Variants in EYS observed in about 807,000 individuals in gnomAD.
EYS encodes EGF-like photoreceptor maintenance factor.
In EYS, 250 loss-of-function variants were observed where a neutral mutation model predicts 282.1. The observed-to-expected ratio is 0.89, with a 90% confidence interval of 0.80 to 0.98. EYS has a LOEUF of 0.98. EYS is among the 50% of genes least tolerant of loss of function. The pLI is 0.00. For missense variants in EYS, 4,016 were observed against 3,709.0 expected, an observed-to-expected ratio of 1.08 and a Z score of -2.15; for synonymous variants, 1,355 against 1,282.9, an observed-to-expected ratio of 1.06 and a Z score of -1.20.
At chr6:64,873,033 G>A (rs1169570878) in intron 19 of EYS, among the ~76,000 whole-genome samples, 2 of 152,048 alleles carry the variant, frequency 1.3e-5, no homozygotes, top group Non-Finnish European at 2.9e-5. Flanking sequence ...AAATAACAAG[G>A]AACTAAAATA....
At chr6:65,431,655 T>C (rs1328000744) in intron 5 of EYS, among the ~76,000 whole-genome samples, 1 of 152,106 alleles carries the variant, frequency 6.6e-6, no homozygotes, top group African/African-American at 2.4e-5. Flanking sequence ...ATTGCTCAAA[T>C]TATATTCATG....
chr6:65,409,091 C>T (rs953295918), intron 5 of EYS, among the ~76,000 whole-genome samples: 2 of 151,914 alleles, frequency 1.3e-5, no homozygotes, highest in Non-Finnish European at 2.9e-5. Context: ...ATTTGTATTC[C>T]TTTAGATTTA....
chr6:65,370,726 A>C lies in EYS; in HGVS notation c.1299+13660T>G, dbSNP rs188026808. ...TCAATTTAGCTCTGACTATCTCATT[A>C]CTAAGAAAGAGTTCTCCTGCTCAGT... On this transcript the variant is annotated intron_variant, in intron 8 of 42. Coordinates refer to ENST00000503581, the MANE Select transcript of EYS (RefSeq NM_001142800.2). Among the ~76,000 whole-genome samples the C allele has an allele frequency of 8.2e-4, 124 of 151,944 alleles. 3 individuals carry two copies. The highest frequency in any genetic ancestry group is 1.3e-3 in the Admixed American group (19 of 15,022).
At chr6:64,043,775 A>G (rs1205236413) in intron 33 of EYS, among the ~76,000 whole-genome samples, 4 of 152,220 alleles carry the variant, frequency 2.6e-5, no homozygotes, top group African/African-American at 4.8e-5. Context: ...GTCAAATCTA[A>G]GAGGCTTTGT....
chr6:64,334,765 C>G (rs1049871649), intron 29 of EYS, among the ~76,000 whole-genome samples: 3 of 152,092 alleles, frequency 2.0e-5, no homozygotes, highest in Admixed American at 6.6e-5. Context: ...TTGCTGCTTA[C>G]AAATTGATGA....
intron 16 of EYS, among the ~76,000 whole-genome samples, chr6:64,910,982 T>G (rs1396216971): frequency 6.6e-6 from 1 of 151,986 alleles, no homozygotes; most frequent in Non-Finnish European, 1.5e-5. Context: ...TTCTGAGATT[T>G]TTTTTCTATT....
intron 22 of EYS, among the ~76,000 whole-genome samples, chr6:64,629,230 T>C (rs1008632141): frequency 6.6e-6 from 1 of 152,204 alleles, no homozygotes; most frequent in Non-Finnish European, 1.5e-5. Context: ...ACTGGTGTTA[T>C]ATGTTTCTGA....
chr6:64,303,820 G>T (rs1313178134), intron 30 of EYS, among the ~76,000 whole-genome samples: 1 of 129,616 alleles, frequency 7.7e-6, no homozygotes, highest in East Asian at 2.2e-4. Context: ...CAGCCTGGGC[G>T]ACAGAGCGAA....
At chr6:63,844,747 T>C (rs1445743772) in intron 36 of EYS, among the ~76,000 whole-genome samples, 3 of 152,180 alleles carry the variant, frequency 2.0e-5, no homozygotes, top group African/African-American at 7.2e-5. Flanking sequence ...TCCTTATAGA[T>C]TCTGGATAAT....
chr6:65,094,269 G>A (rs79622242), intron 12 of EYS, among the ~76,000 whole-genome samples: 3,783 of 137,920 alleles, frequency 0.027, 177 homozygotes, highest in African/African-American at 0.097. Context: ...AAAAATCACA[G>A]CAGGAGATTT....
At chr6:64,615,889 A>C (rs1308170500) in intron 24 of EYS, among the ~76,000 whole-genome samples, 1 of 152,064 alleles carries the variant, frequency 6.6e-6, no homozygotes, top group East Asian at 1.9e-4. Context: ...TTTAGTAGAC[A>C]TGTGGTCTTA....
At chr6:64,921,254 A>G (rs190730198) in intron 15 of EYS, among the ~76,000 whole-genome samples, 3 of 152,284 alleles carry the variant, frequency 2.0e-5, no homozygotes, top group East Asian at 3.9e-4. Context: ...GCAAAAATAA[A>G]CCTATTGAAA....
intron 2 of EYS, among the ~76,000 whole-genome samples, chr6:65,596,221 T>C (rs1215056736): frequency 6.6e-6 from 1 of 152,102 alleles, no homozygotes; most frequent in Non-Finnish European, 1.5e-5. Flanking sequence ...TTCACTTCGG[T>C]GTCCTTAGAG....
At chr6:63,932,674 G>T (rs1764933312) in intron 35 of EYS, among the ~76,000 whole-genome samples, 1 of 152,196 alleles carries the variant, frequency 6.6e-6, no homozygotes, top group African/African-American at 2.4e-5. Context: ...AACTAAACAA[G>T]TGTTTTTCCA....
chr6:64,608,630 T>TTCA (rs1252018073), intron 24 of EYS, among the ~76,000 whole-genome samples: 4 of 152,148 alleles, frequency 2.6e-5, no homozygotes, highest in Non-Finnish European at 5.9e-5. Flanking sequence ...AACAGCCTTA[T>TTCA]TCATGATTGC....
At chr6:63,849,769 C>A (rs1772194200) in intron 36 of EYS, among the ~76,000 whole-genome samples, 1 of 152,164 alleles carries the variant, frequency 6.6e-6, no homozygotes. Flanking sequence ...TGCCTCTTCT[C>A]CTCCAAAGGA....
At chr6:64,089,121 G>A (rs1772263079) in intron 31 of EYS, among the ~76,000 whole-genome samples, 1 of 151,656 alleles carries the variant, frequency 6.6e-6, no homozygotes, top group Non-Finnish European at 1.5e-5. Context: ...ACTCTGTGAC[G>A]AAGTTTATAA....
chr6:65,154,446 T>C (rs1192854964), intron 12 of EYS, among the ~76,000 whole-genome samples: 1 of 151,696 alleles, frequency 6.6e-6, no homozygotes, highest in Non-Finnish European at 1.5e-5. Context: ...GTATTAAAAT[T>C]AATGCTAAAG....
chr6:64,926,962 T>A, intron 15 of EYS, among the ~76,000 whole-genome samples: 1 of 152,038 alleles, frequency 6.6e-6, no homozygotes, highest in East Asian at 1.9e-4. Flanking sequence ...GAAAGCAGAG[T>A]TATATTTTCT....
Sources: allele counts gnomAD v4.1 joint callset (sites outside exome capture counted in the v4.1 genomes callset), GRCh38; gene constraint gnomAD v4.1.1; transcripts MANE v1.5; gene names NCBI Gene and HGNC (gene_info 2026-07-23, HGNC 2026-07-21).